Variants in TUSC3 observed in about 807,000 individuals in gnomAD.
TUSC3 encodes the protein dolichyl-diphosphooligosaccharide--protein glycosyltransferase subunit TUSC3.
TUSC3 carries 45 observed loss-of-function variants against 44.8 expected under a neutral mutation model. The ratio of observed to expected loss-of-function variants is 1.00; its 90% CI spans 0.79 to 1.29. TUSC3 has a LOEUF of 1.29. TUSC3 is among the 50% of genes most tolerant of loss of function. The pLI, the probability that TUSC3 is intolerant of heterozygous loss-of-function variation, is 0.00. For synonymous variants in TUSC3, 212 were observed against 152.9 expected (o/e 1.39, Z -2.85); for missense variants, 519 against 437.9 (o/e 1.19, Z -1.65).
intron 1 of TUSC3, among the ~76,000 whole-genome samples, chr8:15,567,014 G>A (rs1054238158): frequency 6.6e-6 from 1 of 152,024 alleles, no homozygotes; most frequent in Non-Finnish European, 1.5e-5. Flanking sequence ...ATGTGCTCTT[G>A]GCTAAGATAA....
At chr8:15,549,882 T>C (rs1005210421) in intron 1 of TUSC3, among the ~76,000 whole-genome samples, 3 of 151,566 alleles carry the variant, frequency 2.0e-5, no homozygotes, top group Non-Finnish European at 4.4e-5. Context: ...AGACACTGAA[T>C]TGTAGAAGGA....
chr8:15,806,513 T>A, the TUSC3 span: 1 of 1,165,898 alleles, frequency 8.6e-7, no homozygotes, highest in Non-Finnish European at 1.3e-6. Context: ...CTCAGGGTCA[T>A]CAGTGACTTC....
the TUSC3 span, among the ~76,000 whole-genome samples, chr8:15,810,732 CA>C: frequency 6.6e-6 from 1 of 152,126 alleles, no homozygotes; most frequent in Non-Finnish European, 1.5e-5. Flanking sequence ...ACATGGCCAG[CA>C]GATTGAAGTC....
intron 1 of TUSC3, among the ~76,000 whole-genome samples, chr8:15,434,597 T>C (rs1409221620): frequency 6.6e-6 from 1 of 151,070 alleles, no homozygotes; most frequent in Non-Finnish European, 1.5e-5. Context: ...TTGTTACATA[T>C]GTATACATGT....
the TUSC3 span, among the ~76,000 whole-genome samples, chr8:15,840,918 T>G: frequency 6.6e-6 from 1 of 152,154 alleles, no homozygotes; most frequent in African/African-American, 2.4e-5. Flanking sequence ...ATATAGGAAT[T>G]AAGGTTGAAG....
At chr8:15,517,741 T>G (rs1161211957) in intron 2 of TUSC3, among the ~76,000 whole-genome samples, 1 of 152,036 alleles carries the variant, frequency 6.6e-6, no homozygotes. Flanking sequence ...ATTACATATT[T>G]CTGGGCTTCA....
chr8:15,517,626 T>G (rs1016478523), intron 2 of TUSC3, among the ~76,000 whole-genome samples: 2 of 141,044 alleles, frequency 1.4e-5, no homozygotes, highest in Admixed American at 7.4e-5. Context: ...ACTTACAAAA[T>G]TTACGAATGT....
chr8:15,724,091 A>T (rs1810407910), intron 6 of TUSC3, among the ~76,000 whole-genome samples: 1 of 152,108 alleles, frequency 6.6e-6, no homozygotes, highest in Non-Finnish European at 1.5e-5. Flanking sequence ...CCTTATAAGT[A>T]GAGGAAAGTA....
chr8:15,523,692 G>GTATATATATATATA (rs1366898185), intron 2 of TUSC3, among the ~76,000 whole-genome samples: 7 of 48,434 alleles, frequency 1.4e-4, no homozygotes, highest in Non-Finnish European at 2.5e-4. Flanking sequence ...GTGTGTGTGT[G>GTATATATATATATA]TGTGTGTGTG....
chr8:15,814,411 A>T, the TUSC3 span, among the ~76,000 whole-genome samples: 2 of 152,186 alleles, frequency 1.3e-5, no homozygotes, highest in South Asian at 4.1e-4. Context: ...AGTGAAGGAG[A>T]TGCAGTTTTC....
intron 2 of TUSC3, among the ~76,000 whole-genome samples, chr8:15,627,724 G>A (rs556929099): frequency 6.6e-6 from 1 of 152,236 alleles, no homozygotes; most frequent in African/African-American, 2.4e-5. Flanking sequence ...GCCTCACAGG[G>A]AGCTGGTGTC....
chr8:15,742,117 G>C lies in TUSC3; in HGVS notation c.863-1421G>C, dbSNP rs1018018536. Among the ~76,000 whole-genome samples the C allele has an allele frequency of 2.0e-5, 3 of 148,974 alleles. No individual in the cohort carries two copies. The South Asian group carries it at 6.5e-4, about 32-fold the overall frequency. ...TCATTCTCTTAGAATATTCTTTTCAGGCTACTGCCTACATGATTGAAAGGC... is the reference window on the plus strand; with the variant it reads ...TCATTCTCTTAGAATATTCTTTTCACGCTACTGCCTACATGATTGAAAGGC... On this transcript the variant is annotated intron_variant, in intron 7 of 10. Coordinates refer to ENST00000503731, the MANE Select transcript of TUSC3 (RefSeq NM_006765.4).
chr8:15,447,995 C>G (rs1800129544), intron 1 of TUSC3, among the ~76,000 whole-genome samples: 2 of 150,828 alleles, frequency 1.3e-5, no homozygotes, highest in Non-Finnish European at 2.9e-5. Context: ...GTCACACTAG[C>G]AATATTTTAA....
At chr8:15,421,684 G>C (rs1799739578) in intron 1 of TUSC3, among the ~76,000 whole-genome samples, 1 of 152,076 alleles carries the variant, frequency 6.6e-6, no homozygotes, top group Admixed American at 6.6e-5. Flanking sequence ...ATATATAACA[G>C]ATACTGAATG....
At chr8:15,592,782 T>C (rs996308497) in intron 1 of TUSC3, among the ~76,000 whole-genome samples, 1 of 152,160 alleles carries the variant, frequency 6.6e-6, no homozygotes, top group Non-Finnish European at 1.5e-5. Context: ...TTCTTGTAAA[T>C]GTAGTAACTC....
At chr8:15,491,331 A>G (rs1386355589) in intron 2 of TUSC3, among the ~76,000 whole-genome samples, 1 of 152,118 alleles carries the variant, frequency 6.6e-6, no homozygotes, top group Non-Finnish European at 1.5e-5. Flanking sequence ...TGTGAGTAAT[A>G]CGTGAGGGAG....
chr8:15,787,686 T>C, the TUSC3 span, among the ~76,000 whole-genome samples: 1 of 152,206 alleles, frequency 6.6e-6, no homozygotes, highest in Non-Finnish European at 1.5e-5. Flanking sequence ...AATCTTAATA[T>C]GCAACAAAAA....
intron 7 of TUSC3, among the ~76,000 whole-genome samples, chr8:15,740,886 A>C (rs2129213131): frequency 6.6e-6 from 1 of 152,314 alleles, no homozygotes; most frequent in Admixed American, 6.5e-5. Context: ...AAATGCCATC[A>C]GTAAGATAAA....
At chr8:15,677,096 G>A (rs576659579) in intron 6 of TUSC3, among the ~76,000 whole-genome samples, 77 of 151,934 alleles carry the variant, frequency 5.1e-4, no homozygotes, top group Non-Finnish European at 9.6e-4. Context: ...ATAGCTCACC[G>A]CAGCCTTGAA....
Sources: gnomAD v4.1 joint callset for allele counts (sites outside exome capture counted in the v4.1 genomes callset) on GRCh38, gnomAD v4.1.1 for gene constraint, MANE v1.5 for transcripts, NCBI Gene and HGNC (gene_info 2026-07-23, HGNC 2026-07-21) for gene names.